Variants in LDLRAD4 observed in about 807,000 individuals in gnomAD.
The protein encoded by LDLRAD4 is low-density lipoprotein receptor class A domain-containing protein 4.
Under a neutral mutation model 17.0 loss-of-function variants are expected in LDLRAD4, and 5 were observed. The observed-to-expected ratio is 0.29, with a 90% confidence interval of 0.15 to 0.62. The LOEUF is 0.62. LDLRAD4 is among the 20% of genes least tolerant of loss of function. The pLI is 0.84. For missense variants in LDLRAD4, 340 were observed against 424.7 expected, an observed-to-expected ratio of 0.80 and a Z score of 1.75; for synonymous variants, 168 against 171.8, an observed-to-expected ratio of 0.98 and a Z score of 0.17.
chr18:13,220,927 G>A lies in LDLRAD4; in HGVS notation c.-467+1939G>A, dbSNP rs145465711. On this transcript the variant is annotated intron_variant, in intron 1 of 5. Coordinates refer to the LDLRAD4 transcript ENST00000399848. ...GTAGCCAGCATAAAGTCTCCTTGTG[G>A]TGGGTGGGAGGTGACTGCTCTACGT... is the stretch of plus-strand genomic sequence containing the variant. Among the ~76,000 whole-genome samples the A allele has an allele frequency of 1.7e-3, 266 of 152,342 alleles. 1 individual carries two copies. The highest frequency in any genetic ancestry group is 6.1e-3 in the African/African-American group (254 of 41,568).
chr18:13,431,558 A>G (rs557841831), intron 2 of LDLRAD4, among the ~76,000 whole-genome samples: 1 of 152,328 alleles, frequency 6.6e-6, no homozygotes, highest in South Asian at 2.1e-4. Context: ...GCCTGAGAGT[A>G]CTTTGGACTT....
At chr18:13,294,291 C>A (rs2046142630) in intron 1 of LDLRAD4, among the ~76,000 whole-genome samples, 1 of 152,246 alleles carries the variant, frequency 6.6e-6, no homozygotes, top group Non-Finnish European at 1.5e-5. Flanking sequence ...CTGCTCTTGG[C>A]AGCACCTGAG....
At chr18:13,252,205 A>G (rs915470997) in intron 1 of LDLRAD4, among the ~76,000 whole-genome samples, 2 of 151,846 alleles carry the variant, frequency 1.3e-5, no homozygotes, top group African/African-American at 2.4e-5. Context: ...GCTCACTGCA[A>G]CCTCCACCTC....
chr18:13,345,968 C>T (rs1156436099), intron 1 of LDLRAD4, among the ~76,000 whole-genome samples: 1 of 152,156 alleles, frequency 6.6e-6, no homozygotes, highest in Non-Finnish European at 1.5e-5. Context: ...ATTCTTCTCT[C>T]TTTTCTTCTT....
chr18:13,337,245 C>T (rs1406692237), intron 1 of LDLRAD4, among the ~76,000 whole-genome samples: 1 of 152,198 alleles, frequency 6.6e-6, no homozygotes, highest in Non-Finnish European at 1.5e-5. Context: ...CAATCATGGA[C>T]TACAGCCGTG....
upstream of LDLRAD4, among the ~76,000 whole-genome samples, chr18:13,273,936 G>T (rs1006935897): frequency 2.6e-5 from 4 of 152,104 alleles, no homozygotes; most frequent in Admixed American, 6.5e-5. Flanking sequence ...TGTCATTCAG[G>T]AGGTGGTTTA....
At chr18:13,239,251 A>G (rs969756405) in intron 1 of LDLRAD4, among the ~76,000 whole-genome samples, 1 of 151,864 alleles carries the variant, frequency 6.6e-6, no homozygotes, top group Non-Finnish European at 1.5e-5. Context: ...TGACCCATGA[A>G]GCCTGCGGTT....
intron 3 of LDLRAD4, among the ~76,000 whole-genome samples, chr18:13,510,391 C>T (rs35082856): frequency 1.3e-5 from 2 of 152,168 alleles, no homozygotes; most frequent in Non-Finnish European, 2.9e-5. Context: ...GCTGAATAAC[C>T]TTCACAAAGT....
chr18:13,248,922 C>G (rs78255339), intron 1 of LDLRAD4, among the ~76,000 whole-genome samples: 1 of 152,182 alleles, frequency 6.6e-6, no homozygotes, highest in South Asian at 2.1e-4. Flanking sequence ...CCCTTCCCAA[C>G]TTCTAGTATT....
chr18:13,418,060 T>C (rs1161599761), intron 2 of LDLRAD4, among the ~76,000 whole-genome samples: 1 of 152,126 alleles, frequency 6.6e-6, no homozygotes, highest in Admixed American at 6.5e-5. Flanking sequence ...GGCTGGGCTG[T>C]TTAAGGTGCT....
At chr18:13,461,783 T>G (rs1349278271) in intron 3 of LDLRAD4, among the ~76,000 whole-genome samples, 1 of 152,208 alleles carries the variant, frequency 6.6e-6, no homozygotes, top group Non-Finnish European at 1.5e-5. Flanking sequence ...TTGCAGAAAG[T>G]GACCAATCAG....
At chr18:13,595,858 T>G (rs764481391) in intron 3 of LDLRAD4, among the ~76,000 whole-genome samples, 4 of 152,228 alleles carry the variant, frequency 2.6e-5, no homozygotes, top group Non-Finnish European at 5.9e-5. Context: ...GACTAGAGTG[T>G]TCTATAGAGG....
chr18:13,322,750 T>C (rs1374999110), intron 1 of LDLRAD4, among the ~76,000 whole-genome samples: 1 of 151,284 alleles, frequency 6.6e-6, no homozygotes, highest in Non-Finnish European at 1.5e-5. Flanking sequence ...CCCCAGTAGC[T>C]GGGACTACAG....
At chr18:13,362,975 CGTTA>C (rs2083777951) in intron 1 of LDLRAD4, among the ~76,000 whole-genome samples, 1 of 151,896 alleles carries the variant, frequency 6.6e-6, no homozygotes, top group Non-Finnish European at 1.5e-5. Context: ...TGTGCTCTGT[CGTTA>C]GTTATCAGGT....
At position 13,360,574 on chromosome 18, in the gene LDLRAD4, G is replaced by A. The variant is rs369833318; in HGVS notation, c.-382-26767G>A. Among the ~76,000 whole-genome samples the A allele has an allele frequency of 9.2e-5, 14 of 152,376 alleles. No homozygotes were observed. In the East Asian group the frequency reaches 2.5e-3, roughly 27 times the overall value. ...AGGTCATCAATAATAACCATGGATA[G>A]TCTTGAAAAGAGCATAAGTAGACAT... On this transcript the variant is annotated intron_variant, in intron 1 of 5. Transcript: ENST00000359446.
intron 2 of LDLRAD4, among the ~76,000 whole-genome samples, chr18:13,407,616 G>A (rs2087886750): frequency 6.6e-6 from 1 of 152,246 alleles, no homozygotes; most frequent in Non-Finnish European, 1.5e-5. Flanking sequence ...ATCTTGTCCA[G>A]GGTTTCACCC....
chr18:13,560,074 T>C (rs1224280096), intron 3 of LDLRAD4, among the ~76,000 whole-genome samples: 8 of 152,234 alleles, frequency 5.3e-5, no homozygotes, highest in Non-Finnish European at 8.8e-5. Context: ...GATTAATTGG[T>C]AGCAGAAAAA....
chr18:13,225,066 C>T (rs1465767244), intron 1 of LDLRAD4, among the ~76,000 whole-genome samples: 1 of 151,402 alleles, frequency 6.6e-6, no homozygotes, highest in Non-Finnish European at 1.5e-5. Context: ...TCACTCCTCA[C>T]CTCAAGTGAT....
At chr18:13,348,674 A>G (rs1568035100) in intron 1 of LDLRAD4, among the ~76,000 whole-genome samples, 2 of 152,008 alleles carry the variant, frequency 1.3e-5, no homozygotes, top group Non-Finnish European at 2.9e-5. Context: ...CCAGAGGTGG[A>G]GTCTATAGAG....
Sources: allele counts gnomAD v4.1 joint callset (sites outside exome capture counted in the v4.1 genomes callset), GRCh38; gene constraint gnomAD v4.1.1; transcripts MANE v1.5; gene names NCBI Gene and HGNC (gene_info 2026-07-23, HGNC 2026-07-21).